PDZD2: variants seen among roughly 807,000 people sequenced by gnomAD.
The protein encoded by PDZD2 is PDZ domain containing 2.
Under a neutral mutation model 220.7 loss-of-function variants are expected in PDZD2, and 90 were observed. That is an observed-to-expected ratio of 0.41 (90% CI 0.34 to 0.49). The LOEUF (loss-of-function observed/expected upper bound fraction) is 0.49. Among genes scored for constraint, PDZD2 ranks in the 20% least tolerant of loss-of-function variants. PDZD2 has a pLI of 0.28. For synonymous variants in PDZD2, 1,375 were observed against 1,450.5 expected (o/e 0.95, Z 1.18); for missense variants, 3,174 against 3,608.5 (o/e 0.88, Z 3.08).
At chr5:31,931,066 A>G (rs1296744337) in intron 2 of PDZD2, among the ~76,000 whole-genome samples, 1 of 152,186 alleles carries the variant, frequency 6.6e-6, no homozygotes, top group African/African-American at 2.4e-5. Flanking sequence ...TCTTTTGCCC[A>G]GGCTGGGGTA....
intron 2 of PDZD2, among the ~76,000 whole-genome samples, chr5:31,922,758 C>G (rs148851360): frequency 7.9e-5 from 12 of 152,158 alleles, no homozygotes; most frequent in Non-Finnish European, 1.3e-4. Flanking sequence ...AACCTCTGCC[C>G]CGCCCCCCCC....
intron 2 of PDZD2, among the ~76,000 whole-genome samples, chr5:31,877,022 C>A (rs1448000922): frequency 2.6e-5 from 4 of 152,174 alleles, no homozygotes; most frequent in Non-Finnish European, 5.9e-5. Context: ...AATATCTACT[C>A]ATGGGAGGTT....
intron 2 of PDZD2, among the ~76,000 whole-genome samples, chr5:31,932,977 C>A (rs1417933865): frequency 6.6e-6 from 1 of 151,292 alleles, no homozygotes; most frequent in African/African-American, 2.4e-5. Flanking sequence ...ATGGTGCAAT[C>A]TCGGCTCACT....
chr5:31,658,313 C>G (rs1745629440), intron 1 of PDZD2, among the ~76,000 whole-genome samples: 1 of 152,188 alleles, frequency 6.6e-6, no homozygotes, highest in South Asian at 2.1e-4. Context: ...AGCGGAAACT[C>G]CGTTCATCCT....
At chr5:32,026,683 T>C (rs540125612) in intron 6 of PDZD2, among the ~76,000 whole-genome samples, 98 of 152,312 alleles carry the variant, frequency 6.4e-4, no homozygotes, top group Middle Eastern at 3.4e-3. Flanking sequence ...CCCAAGGGTC[T>C]ACCTTGAGTA....
At chr5:31,725,790 A>T (rs1749088470) in intron 1 of PDZD2, 2 of 958,166 alleles carry the variant, frequency 2.1e-6, no homozygotes, top group Admixed American at 3.6e-5. Context: ...CTTGATTTGG[A>T]TTTAGATCTT....
At chr5:31,937,840 C>G (rs1294809007) in intron 2 of PDZD2, among the ~76,000 whole-genome samples, 1 of 152,204 alleles carries the variant, frequency 6.6e-6, no homozygotes, top group Admixed American at 6.5e-5. Flanking sequence ...GACTTAGAAG[C>G]TGTGTTGGGG....
Position 31,665,930 on chromosome 5 carries a change from G to A in PDZD2, c.-361+26493G>A, listed in dbSNP as rs539852861. On this transcript the variant is annotated intron_variant, in intron 1 of 24. Transcript: ENST00000438447. Reference sequence around the variant, plus strand: ...GAGGCAGGGGAGCCATAAGGTGATAGGGAAGTGAGGACGGGACCTCATTCA... The same window carrying A: ...GAGGCAGGGGAGCCATAAGGTGATAAGGAAGTGAGGACGGGACCTCATTCA... Among the ~76,000 whole-genome samples, 5 of 152,300 alleles carry A rather than the reference G, an allele frequency of 3.3e-5. No individual in the cohort carries two copies. In the South Asian group the frequency reaches 8.3e-4, roughly 25 times the overall value.
rs748110891 is a variant in PDZD2, at chr5:32,057,744, T to C, written c.1974+16T>C. The C allele has an allele frequency of 2.6e-6, 4 of 1,515,698 alleles. No homozygotes were observed. Among genetic ancestry groups the C allele is most frequent in the African/African-American group, 2.8e-5 (2 of 72,724 alleles). 93.9% of individuals were successfully genotyped at this position (1,515,698 alleles called of 1,614,324 possible). ...TACCTTTAAGGTAACAACATTCTTA[T>C]TGATCTCCTTTATCCTATTTTCCTT... On this transcript the variant is annotated intron_variant, in intron 11 of 24. Transcript: ENST00000438447.
At chr5:31,930,279 T>C (rs4591761) in intron 2 of PDZD2, among the ~76,000 whole-genome samples, 138,718 of 148,006 alleles carry the variant, frequency 0.94, 65,038 homozygotes, top group Middle Eastern at 0.96. Flanking sequence ...GATCTCCGCT[T>C]ACTGCAAGCT....
intron 1 of PDZD2, among the ~76,000 whole-genome samples, chr5:31,675,965 G>C (rs1297707397): frequency 6.6e-6 from 1 of 152,228 alleles, no homozygotes; most frequent in Non-Finnish European, 1.5e-5. Flanking sequence ...GCCTCCCAAA[G>C]TGTTGGGATT....
At chr5:31,718,067 A>G (rs1012654772) in intron 1 of PDZD2, among the ~76,000 whole-genome samples, 3 of 152,146 alleles carry the variant, frequency 2.0e-5, no homozygotes, top group African/African-American at 7.2e-5. Flanking sequence ...TCATTCTTGC[A>G]TTAATGGAAT....
intron 2 of PDZD2, among the ~76,000 whole-genome samples, chr5:31,802,358 T>C (rs1754440327): frequency 6.6e-6 from 1 of 152,166 alleles, no homozygotes; most frequent in Admixed American, 6.5e-5. Flanking sequence ...GATGCCGCAG[T>C]GATAACTGGC....
intron 12 of PDZD2, 112 bp from the exon 13 acceptor site, chr5:32,059,127 T>G (rs1029528659): frequency 3.3e-6 from 2 of 611,986 alleles, no homozygotes; most frequent in African/African-American, 3.7e-5. Context: ...GGACCAGAAA[T>G]AAATGGTTAT....
At chr5:31,995,305 C>G (rs1751537682) in intron 3 of PDZD2, among the ~76,000 whole-genome samples, 2 of 152,222 alleles carry the variant, frequency 1.3e-5, no homozygotes, top group Non-Finnish European at 2.9e-5. Flanking sequence ...CCACTAGCCA[C>G]ATCGCAAGCA....
chr5:32,028,512 T>G (rs73751771), intron 6 of PDZD2, among the ~76,000 whole-genome samples: 4,614 of 152,236 alleles, frequency 0.03, 225 homozygotes, highest in African/African-American at 0.11. Flanking sequence ...TCAAATAAAT[T>G]AAATGCCCTT....
chr5:31,864,745 G>A (rs945924487), intron 2 of PDZD2, among the ~76,000 whole-genome samples: 5 of 149,482 alleles, frequency 3.3e-5, no homozygotes, highest in Non-Finnish European at 5.9e-5. Flanking sequence ...TCAAACTCCT[G>A]ACCTCAGGTG....
chr5:31,877,880 G>C (rs1371823299), intron 2 of PDZD2, among the ~76,000 whole-genome samples: 2 of 151,986 alleles, frequency 1.3e-5, no homozygotes, highest in African/African-American at 4.8e-5. Context: ...GTAGAGATGG[G>C]GTTTCACCAT....
chr5:31,840,127 C>A (rs865916094), intron 2 of PDZD2, among the ~76,000 whole-genome samples: 3 of 151,932 alleles, frequency 2.0e-5, no homozygotes, highest in Non-Finnish European at 4.4e-5. Context: ...ACTCAGAATG[C>A]TGAGGTGTGA....
Sources: allele counts gnomAD v4.1 joint callset (sites outside exome capture counted in the v4.1 genomes callset), GRCh38; gene constraint gnomAD v4.1.1; transcripts MANE v1.5; gene names NCBI Gene and HGNC (gene_info 2026-07-23, HGNC 2026-07-21).